Variants in DSCAML1 observed in about 807,000 individuals in gnomAD.
DSCAML1 encodes the protein DS cell adhesion molecule like 1.
In DSCAML1, 38 loss-of-function variants were observed where a neutral mutation model predicts 200.5. The ratio of observed to expected loss-of-function variants is 0.19; its 90% confidence interval spans 0.15 to 0.25. The LOEUF (loss-of-function observed/expected upper bound fraction) is 0.25. Ranked by LOEUF, DSCAML1 falls within the 10% of genes least tolerant of loss-of-function variation. The pLI, the probability that DSCAML1 is intolerant of heterozygous loss-of-function variation, is 1.00. For synonymous variants in DSCAML1, 1,215 were observed against 1,165.0 expected (o/e 1.04, Z -0.87); for missense variants, 2,223 against 2,858.8 (o/e 0.78, Z 5.07).
Position 117,776,882 on chromosome 11 carries a change from G to T in DSCAML1, c.420C>A (p.Asn140Lys). 1 of 1,614,140 alleles carries T rather than the reference G, an allele frequency of 6.2e-7. No individual in the cohort carries two copies. The highest frequency in any genetic ancestry group is 1.1e-5 in the South Asian group (1 of 91,080). Residue 140 changes from asparagine (N) to lysine (K), a missense_variant, in exon 3 of 33, where the codon AAC (asparagine) becomes AAA (lysine). By Grantham distance (94) the Asn-to-Lys change is moderately conservative. Around this residue, in one of 7 missense-constraint regions of DSCAML1, gnomAD observed 579 missense variants for 721.5 expected, o/e 0.80. Transcript: ENST00000651296. ...RVEDQRSMRG[N>K]VAVFKCLIPS... ...GGATGAGGCACTTGAAGACGGCCAC[G>T]TTGCCACGCATTGACCTTTGATCCT...
chr11:117,778,775 G>T (rs79818447), intron 2 of DSCAML1, among the ~76,000 whole-genome samples: 1 of 152,176 alleles, frequency 6.6e-6, no homozygotes, highest in Non-Finnish European at 1.5e-5. Context: ...AATCCTCCAC[G>T]CTGTGGAGGC....
At chr11:117,509,673 G>C (rs2049580169) in intron 8 of DSCAML1, among the ~76,000 whole-genome samples, 1 of 152,192 alleles carries the variant, frequency 6.6e-6, no homozygotes, top group African/African-American at 2.4e-5. Flanking sequence ...AAAGCAGGGT[G>C]GGGACTCCTC....
chr11:117,626,280 C>T (rs1043970984), intron 3 of DSCAML1, among the ~76,000 whole-genome samples: 4 of 151,154 alleles, frequency 2.6e-5, no homozygotes, highest in Non-Finnish European at 5.9e-5. Context: ...CAACCTTGGT[C>T]CCCTGGGGAT....
intron 1 of DSCAML1, among the ~76,000 whole-genome samples, chr11:117,781,722 G>A (rs1025715245): frequency 1.3e-5 from 2 of 152,222 alleles, no homozygotes; most frequent in African/African-American, 4.8e-5. Flanking sequence ...CCTTCACTTG[G>A]AAAATGGAGG....
chr11:117,727,129 AGGAT>A (rs1282862687), intron 3 of DSCAML1, among the ~76,000 whole-genome samples: 5 of 152,314 alleles, frequency 3.3e-5, no homozygotes, highest in Admixed American at 3.3e-4. Context: ...TTATAAATGA[AGGAT>A]GGAGGTAGGG....
chr11:117,680,500 T>G (rs1253673115), intron 3 of DSCAML1, among the ~76,000 whole-genome samples: 1 of 152,166 alleles, frequency 6.6e-6, no homozygotes, highest in Non-Finnish European at 1.5e-5. Context: ...TGGAAAGCTC[T>G]CCAAAGGAAG....
chr11:117,712,981 C>T (rs888163411), intron 3 of DSCAML1, among the ~76,000 whole-genome samples: 1 of 152,070 alleles, frequency 6.6e-6, no homozygotes, highest in Non-Finnish European at 1.5e-5. Flanking sequence ...TCCCAACTCC[C>T]CTTTTGCAGC....
chr11:117,797,391 A>G (rs955132612), upstream of DSCAML1: 73 of 742,172 alleles, frequency 9.8e-5, no homozygotes, highest in Non-Finnish European at 1.4e-4. Flanking sequence ...GGCCCGGGCC[A>G]GACCGCCCCG....
chr11:117,488,773 C>T (rs1247832405), intron 11 of DSCAML1, among the ~76,000 whole-genome samples: 1 of 152,166 alleles, frequency 6.6e-6, no homozygotes, highest in Non-Finnish European at 1.5e-5. Flanking sequence ...AGGCTCTCTC[C>T]ACACACACAC....
At chr11:117,488,904 C>G (rs957483409) in intron 11 of DSCAML1, among the ~76,000 whole-genome samples, 1 of 152,232 alleles carries the variant, frequency 6.6e-6, no homozygotes, top group African/African-American at 2.4e-5. Context: ...GCCTGTGTCT[C>G]AGTGTATTTC....
At chr11:117,792,621 C>T (rs964834013) in intron 1 of DSCAML1, among the ~76,000 whole-genome samples, 1 of 151,982 alleles carries the variant, frequency 6.6e-6, no homozygotes, top group Non-Finnish European at 1.5e-5. Flanking sequence ...GGTGAAAGAG[C>T]ATTCTGCCTC....
At chr11:117,496,419 A>G (rs1346270085) in intron 11 of DSCAML1, among the ~76,000 whole-genome samples, 1 of 152,148 alleles carries the variant, frequency 6.6e-6, no homozygotes, top group African/African-American at 2.4e-5. Context: ...TGGGCTGCCC[A>G]CTTAGGGCAG....
chr11:117,520,622 T>C (rs2049866298), intron 6 of DSCAML1, among the ~76,000 whole-genome samples: 1 of 148,874 alleles, frequency 6.7e-6, no homozygotes, highest in Non-Finnish European at 1.5e-5. Context: ...ATGGGTAACA[T>C]CATTAAAAAA....
rs1237061556 is a variant in DSCAML1, at chr11:117,780,294, A to AAGAG, written c.364+198_364+199insCTCT. Among the ~76,000 whole-genome samples the AAGAG allele has an allele frequency of 2.8e-5, 3 of 106,648 alleles. No homozygotes were observed. The highest frequency in any genetic ancestry group is 9.2e-5 in the Admixed American group (1 of 10,858). 70.0% of individuals were successfully genotyped at this position (106,648 alleles called of 152,430 possible). ...AAAGAAAGAAAGAAAGAAAGAAAGAAAGAAAGAAAGAGAGAAAGGAGAAAG... is the reference window on the plus strand; with the variant it reads ...AAAGAAAGAAAGAAAGAAAGAAAGAAAGAGAGAAAGAAAGAGAGAAAGGAGAAAG... On this transcript the variant is annotated intron_variant, in intron 2 of 32. Coordinates refer to ENST00000651296, the MANE Select transcript of DSCAML1 (RefSeq NM_020693.4). The surrounding 1 kb of genome is among the most constrained non-coding windows in gnomAD (Gnocchi z 4.8).
chr11:117,806,150 G>C (rs1381519734), intron 1 of DSCAML1, among the ~76,000 whole-genome samples: 1 of 152,190 alleles, frequency 6.6e-6, no homozygotes, highest in Non-Finnish European at 1.5e-5. Context: ...GATGTGGCTG[G>C]GTTGGATGAT....
intron 3 of DSCAML1, among the ~76,000 whole-genome samples, chr11:117,749,712 C>T (rs1167754733): frequency 2.6e-5 from 4 of 152,226 alleles, no homozygotes; most frequent in Non-Finnish European, 4.4e-5. Flanking sequence ...GGGTCAGAAC[C>T]AGCACGGTCG....
chr11:117,626,049 C>G (rs1180252472), intron 3 of DSCAML1, among the ~76,000 whole-genome samples: 26 of 152,228 alleles, frequency 1.7e-4, no homozygotes, highest in Admixed American at 1.7e-3. Flanking sequence ...GCCTGTGCAG[C>G]TGGGTTTCCC....
chr11:117,756,252 G>A (rs1344638580), intron 3 of DSCAML1, among the ~76,000 whole-genome samples: 1 of 152,212 alleles, frequency 6.6e-6, no homozygotes, highest in Admixed American at 6.5e-5. Context: ...TTAGGGGCAG[G>A]GATGCCTTTC....
chr11:117,730,161 C>T (rs4936402), intron 3 of DSCAML1, among the ~76,000 whole-genome samples: 140,900 of 152,136 alleles, frequency 0.93, 65,904 homozygotes, highest in East Asian at 1. Context: ...ACCATGCCAC[C>T]GCACTCCAGC....
Sources: allele counts gnomAD v4.1 joint callset (sites outside exome capture counted in the v4.1 genomes callset), GRCh38; gene constraint gnomAD v4.1.1; regional missense constraint gnomAD v4.1.1; non-coding constraint Gnocchi (gnomAD v3.1); transcripts MANE v1.5; gene names NCBI Gene and HGNC (gene_info 2026-07-23, HGNC 2026-07-21).